Variants in LRRTM4 observed in about 807,000 individuals in gnomAD.
The protein encoded by LRRTM4 is leucine rich repeat transmembrane neuronal 4, also known as leucine-rich repeat transmembrane neuronal protein 4.
A neutral mutation model predicts 47.6 loss-of-function variants in LRRTM4; 25 were observed. That is an observed-to-expected ratio of 0.53 (90% CI 0.38 to 0.73). The LOEUF is 0.73. Ranked by LOEUF, LRRTM4 falls within the 30% of genes least tolerant of loss-of-function variation. The pLI is 0.00. For missense variants in LRRTM4, 638 were observed against 713.4 expected (o/e 0.89, Z 1.20); for synonymous variants, 311 against 269.5 (o/e 1.15, Z -1.51).
At chr2:77,132,348 A>G (rs1038682545) in intron 3 of LRRTM4, among the ~76,000 whole-genome samples, 7 of 152,136 alleles carry the variant, frequency 4.6e-5, no homozygotes, top group Non-Finnish European at 1.0e-4. Flanking sequence ...ATTAAATAGT[A>G]CTTCATTGTG....
At chr2:76,926,056 C>T (rs1002857087) in intron 3 of LRRTM4, among the ~76,000 whole-genome samples, 7 of 152,080 alleles carry the variant, frequency 4.6e-5, no homozygotes, top group Admixed American at 6.6e-5. Flanking sequence ...ACATGGTCAG[C>T]CTGACAATTC....
rs915687464 is a variant in LRRTM4, at chr2:76,775,301, A to G, written c.1552-26385T>C. Among the ~76,000 whole-genome samples, 3 of 152,150 alleles carry G rather than the reference A, an allele frequency of 2.0e-5. No individual in the cohort carries two copies. The East Asian group carries it at 5.8e-4, about 29-fold the overall frequency. ...ATGGTTATCTTCCACAACATTGGCA[A>G]TCCTTTCTATATAGTACCATGTGTA... On this transcript the variant is annotated intron_variant, in intron 3 of 3. Transcript: ENST00000409884.
At chr2:76,768,068 A>G (rs1673527694) in intron 3 of LRRTM4, among the ~76,000 whole-genome samples, 1 of 152,208 alleles carries the variant, frequency 6.6e-6, no homozygotes, top group Non-Finnish European at 1.5e-5. Context: ...GACTATACTC[A>G]GGAAACAGAA....
chr2:76,871,281 T>C (rs1039003433), intron 3 of LRRTM4, among the ~76,000 whole-genome samples: 1 of 152,138 alleles, frequency 6.6e-6, no homozygotes, highest in Non-Finnish European at 1.5e-5. Flanking sequence ...AAAATATTAG[T>C]ATTAGAAGAT....
intron 3 of LRRTM4, among the ~76,000 whole-genome samples, chr2:76,920,043 G>A (rs1674384924): frequency 6.6e-6 from 1 of 151,836 alleles, no homozygotes; most frequent in African/African-American, 2.4e-5. Flanking sequence ...TAAATGTATT[G>A]AATGTTCTAT....
intron 3 of LRRTM4, among the ~76,000 whole-genome samples, chr2:77,264,264 C>A (rs1388828747): frequency 1.3e-5 from 2 of 151,946 alleles, no homozygotes; most frequent in Non-Finnish European, 2.9e-5. Flanking sequence ...ACCCTTTGTT[C>A]TCATGTGGCC....
At chr2:76,774,721 T>A (rs1486009189) in intron 3 of LRRTM4, among the ~76,000 whole-genome samples, 1 of 152,094 alleles carries the variant, frequency 6.6e-6, no homozygotes, top group African/African-American at 2.4e-5. Context: ...CCGTGTAACT[T>A]TATGGAAACA....
At chr2:76,783,618 C>G (rs1415417272) in intron 3 of LRRTM4, among the ~76,000 whole-genome samples, 1 of 152,108 alleles carries the variant, frequency 6.6e-6, no homozygotes. Context: ...AAAAGTTTCT[C>G]TGAAACTAAA....
intron 3 of LRRTM4, among the ~76,000 whole-genome samples, chr2:77,292,435 T>A (rs1676851839): frequency 6.6e-6 from 1 of 151,826 alleles, no homozygotes; most frequent in South Asian, 2.1e-4. Flanking sequence ...TAGCAAAGAC[T>A]TGGAACCAAC....
At chr2:76,978,539 G>C (rs1344803150) in intron 3 of LRRTM4, among the ~76,000 whole-genome samples, 2 of 152,006 alleles carry the variant, frequency 1.3e-5, no homozygotes, top group African/African-American at 4.8e-5. Flanking sequence ...GGATGAGATA[G>C]AGAGACATGG....
chr2:77,496,190 T>C lies in LRRTM4; in HGVS notation c.1551+22128A>G, dbSNP rs190897831. ...TGTAGTTGATTTTTGTGTAATATTC[T>C]TGTACTCTATAAACTTGCTAAACTC... On this transcript the variant is annotated intron_variant, in intron 3 of 3. Coordinates refer to ENST00000409884, the MANE Select transcript of LRRTM4 (RefSeq NM_001134745.3). Among the ~76,000 whole-genome samples the C allele has an allele frequency of 6.5e-4, 99 of 152,054 alleles. 1 individual carries two copies. The highest frequency in any genetic ancestry group is 2.2e-3 in the African/African-American group (91 of 41,552).
intron 3 of LRRTM4, among the ~76,000 whole-genome samples, chr2:77,406,494 G>C (rs1289681667): frequency 6.6e-6 from 1 of 151,974 alleles, no homozygotes; most frequent in Non-Finnish European, 1.5e-5. Context: ...TAGAGACAAG[G>C]TCTCACTATG....
intron 3 of LRRTM4, among the ~76,000 whole-genome samples, chr2:76,942,187 C>G (rs1179418514): frequency 6.6e-6 from 1 of 151,614 alleles, no homozygotes; most frequent in Non-Finnish European, 1.5e-5. Flanking sequence ...TGTTTAAGTT[C>G]CTTGTAGATT....
At chr2:77,156,058 G>T (rs1672551670) in intron 3 of LRRTM4, among the ~76,000 whole-genome samples, 1 of 151,952 alleles carries the variant, frequency 6.6e-6, no homozygotes, top group Admixed American at 6.6e-5. Context: ...AATTAAAAGA[G>T]AAAGATATAG....
At chr2:77,423,584 A>G (rs989000708) in intron 3 of LRRTM4, among the ~76,000 whole-genome samples, 1 of 152,118 alleles carries the variant, frequency 6.6e-6, no homozygotes, top group Non-Finnish European at 1.5e-5. Context: ...AATGCTACCA[A>G]TGGTCATGAT....
chr2:77,050,348 C>A (rs185016235), intron 3 of LRRTM4, among the ~76,000 whole-genome samples: 2 of 152,078 alleles, frequency 1.3e-5, no homozygotes, highest in African/African-American at 4.8e-5. Flanking sequence ...CTACTCGAGG[C>A]CTAATGCCAG....
chr2:77,513,923 TA>T (rs1679113926), intron 3 of LRRTM4, among the ~76,000 whole-genome samples: 2 of 152,088 alleles, frequency 1.3e-5, no homozygotes, highest in East Asian at 1.9e-4. Context: ...TATTCCTAAC[TA>T]AAAAATCTTG....
At chr2:77,130,507 ATTATTT>A (rs200017016) in intron 3 of LRRTM4, among the ~76,000 whole-genome samples, 9,028 of 151,890 alleles carry the variant, frequency 0.059, 361 homozygotes, top group Admixed American at 0.092. Context: ...ATAATAAATA[ATTATTT>A]TTATTTTTAT....
intron 3 of LRRTM4, among the ~76,000 whole-genome samples, chr2:76,782,071 A>AT (rs1674425330): frequency 6.6e-6 from 1 of 152,194 alleles, no homozygotes; most frequent in East Asian, 1.9e-4. Flanking sequence ...GAATGACTTC[A>AT]TTTTTTCCTC....
Sources: gnomAD v4.1 joint callset for allele counts (sites outside exome capture counted in the v4.1 genomes callset) on GRCh38, gnomAD v4.1.1 for gene constraint, MANE v1.5 for transcripts, NCBI Gene and HGNC (gene_info 2026-07-23, HGNC 2026-07-21) for gene names.